The following PAK1 variants were observed in gnomAD, a reference collection of about 807,000 sequenced individuals.
The protein encoded by PAK1 is serine/threonine-protein kinase PAK 1.
In PAK1, 29 loss-of-function variants were observed where a neutral mutation model predicts 67.4. That is an observed-to-expected ratio of 0.43 (90% CI 0.32 to 0.59). The LOEUF is 0.59. Among genes scored for constraint, PAK1 ranks in the 20% least tolerant of loss-of-function variants. The pLI is 0.07. For missense variants in PAK1, 337 were observed against 670.7 expected, an observed-to-expected ratio of 0.50 and a Z score of 5.50; for synonymous variants, 223 against 237.4, an observed-to-expected ratio of 0.94 and a Z score of 0.56.
intron 2 of PAK1, among the ~76,000 whole-genome samples, chr11:77,383,289 T>A (rs1950065199): frequency 6.6e-6 from 1 of 151,566 alleles, no homozygotes; most frequent in African/African-American, 2.4e-5. Flanking sequence ...CGGGGAAATC[T>A]AGGTGGCAGG....
At chr11:77,347,095 A>ATT in intron 9 of PAK1, 2 of 456,220 alleles carry the variant, frequency 4.4e-6, no homozygotes, top group Non-Finnish European at 8.8e-6. Context: ...GCAGGAAATG[A>ATT]AGCCTTCCTG....
chr11:77,525,543 A>AGCCTTACATCATGAATGACATC, the PAK1 span, among the ~76,000 whole-genome samples: 5 of 152,324 alleles, frequency 3.3e-5, no homozygotes, highest in South Asian at 2.1e-4. Context: ...ATGCAAGGAA[A>AGCCTTACATCATGAATGACATC]GCCTTACATC....
At chr11:77,422,120 C>T (rs1955298263) in intron 1 of PAK1, among the ~76,000 whole-genome samples, 1 of 152,098 alleles carries the variant, frequency 6.6e-6, no homozygotes, top group South Asian at 2.1e-4. Context: ...TTATTTTTAC[C>T]TCTAGACTGG....
intron 1 of PAK1, among the ~76,000 whole-genome samples, chr11:77,415,601 T>C (rs908482887): frequency 1.3e-5 from 2 of 151,652 alleles, no homozygotes; most frequent in Non-Finnish European, 2.9e-5. Context: ...ACAGTAAAAA[T>C]ACGCCATAAA....
rs1938815436 is a variant in PAK1 at position 77,323,331 on chromosome 11, G to A, written c.1581C>T (p.Leu527=). 1 of 1,613,462 alleles carries A rather than the reference G, an allele frequency of 6.2e-7. No homozygotes were observed. The part of the protein sequence containing the change: ...QHQFLKIAKP[L]SSLTPLIAAA... Reference sequence around the variant, plus strand: ...CAGCAATCAGTGGAGTGAGGCTGGAGAGGGGCTTGGCAATCTTCAGGAATT... The same window carrying A: ...CAGCAATCAGTGGAGTGAGGCTGGAAAGGGGCTTGGCAATCTTCAGGAATT... The change falls in exon 15 of 15, where the codon CTC becomes CTT. Residue 527 remains leucine (L), a synonymous_variant. Transcript: ENST00000356341.
At chr11:77,428,044 A>G (rs937242422) in intron 1 of PAK1, among the ~76,000 whole-genome samples, 3 of 152,220 alleles carry the variant, frequency 2.0e-5, no homozygotes, top group African/African-American at 4.8e-5. Context: ...GGAACTAATA[A>G]GAAATGAGGA....
intron 2 of PAK1, among the ~76,000 whole-genome samples, chr11:77,386,220 T>A (rs895923685): frequency 6.6e-6 from 1 of 152,122 alleles, no homozygotes; most frequent in African/African-American, 2.4e-5. Context: ...TGGCCTTTTT[T>A]AAAAAAATGA....
chr11:77,368,036 A>G (rs1947849171), intron 5 of PAK1, among the ~76,000 whole-genome samples: 1 of 152,252 alleles, frequency 6.6e-6, no homozygotes, highest in African/African-American at 2.4e-5. Flanking sequence ...CCATGAAGAG[A>G]TAACAAAAGA....
chr11:77,490,358 C>T, the PAK1 span, among the ~76,000 whole-genome samples: 60 of 144,974 alleles, frequency 4.1e-4, 1 homozygote, highest in South Asian at 3.1e-3. Context: ...CCCGGCCAGC[C>T]GCCCCGTCCG....
the PAK1 span, among the ~76,000 whole-genome samples, chr11:77,489,729 A>G: frequency 3.3e-5 from 5 of 151,030 alleles, no homozygotes; most frequent in African/African-American, 1.2e-4. Flanking sequence ...GGGATTGCAG[A>G]CGAAGTCTCG....
At chr11:77,394,555 A>G (rs1207826919) in intron 1 of PAK1, among the ~76,000 whole-genome samples, 1 of 151,798 alleles carries the variant, frequency 6.6e-6, no homozygotes, top group African/African-American at 2.4e-5. Context: ...TACTTTTAAA[A>G]CCCTTCACTG....
At chr11:77,370,094 C>T (rs568533426) in intron 5 of PAK1, among the ~76,000 whole-genome samples, 3 of 152,238 alleles carry the variant, frequency 2.0e-5, no homozygotes, top group Admixed American at 6.5e-5. Context: ...AGGTCTGATA[C>T]GATCTGTTTG....
chr11:77,336,055 A>C, intron 13 of PAK1, 31 bp downstream of exon 13: 1 of 1,436,216 alleles, frequency 7.0e-7, no homozygotes, highest in Non-Finnish European at 9.7e-7. Flanking sequence ...CAACAGCCCA[A>C]ATAACTTGAA....
chr11:77,344,117 C>T, intron 9 of PAK1, 186 bp from the exon 10 acceptor site: 2 of 540,286 alleles, frequency 3.7e-6, no homozygotes, highest in Non-Finnish European at 6.6e-6. Context: ...CCAGCATCAT[C>T]ATCATCTGGG....
Position 77,322,767 on chromosome 11 carries a change from C to G in PAK1, c.*507G>C. 3.0e-6 allele frequency: 1 copy of G among 328,896 alleles called. No homozygotes were observed. The allele number at this position is 328,896 out of a possible 1,614,324, so 20.4% of individuals were successfully genotyped here. On this transcript the variant is annotated 3_prime_UTR_variant, in exon 15 of 15. Coordinates refer to ENST00000356341, the MANE Select transcript of PAK1 (RefSeq NM_002576.5). ...AGTCATGGTCCAGGAAGCTGAGCCTCTTCATGTCCCTGGCAGATTATCAAA... is the reference window on the plus strand; with the variant it reads ...AGTCATGGTCCAGGAAGCTGAGCCTGTTCATGTCCCTGGCAGATTATCAAA...
chr11:77,470,990 T>C (rs536909384), intron 1 of PAK1, among the ~76,000 whole-genome samples: 6 of 152,352 alleles, frequency 3.9e-5, no homozygotes, highest in Admixed American at 3.3e-4. Flanking sequence ...CCATGATTCC[T>C]ATTCATTCTG....
At chr11:77,416,135 T>G (rs1954939482) in intron 1 of PAK1, among the ~76,000 whole-genome samples, 1 of 152,044 alleles carries the variant, frequency 6.6e-6, no homozygotes, top group South Asian at 2.1e-4. Flanking sequence ...TGTGCCACCA[T>G]GCCCAGCTAA....
intron 2 of PAK1, among the ~76,000 whole-genome samples, chr11:77,387,203 G>C (rs1950564542): frequency 6.6e-6 from 1 of 151,392 alleles, no homozygotes; most frequent in African/African-American, 2.4e-5. Flanking sequence ...CTCCTGAGTA[G>C]TTGGGATTAC....
rs553386185 is a variant in PAK1, at chr11:77,375,427, T to G, written c.440-1062A>C. Among the ~76,000 whole-genome samples the G allele has an allele frequency of 9.9e-5, 15 of 152,282 alleles. No individual in the cohort carries two copies. The South Asian group carries it at 1.2e-3, about 13-fold the overall frequency. ...ACTAAGGTTGAGGAAAAGAGAGGTA[T>G]TGATCCTGTCAAGTCTAATTAAAGG... On this transcript the variant is annotated intron_variant, in intron 4 of 14. Coordinates refer to ENST00000356341, the MANE Select transcript of PAK1 (RefSeq NM_002576.5).
Sources: gnomAD v4.1 joint callset for allele counts (sites outside exome capture counted in the v4.1 genomes callset) on GRCh38, gnomAD v4.1.1 for gene constraint, MANE v1.5 for transcripts, NCBI Gene and HGNC (gene_info 2026-07-23, HGNC 2026-07-21) for gene names.